SNORC: variants seen among roughly 807,000 people sequenced by gnomAD.
SNORC encodes secondary ossification center associated regulator of chondrocyte maturation, also known as protein SNORC.
A neutral mutation model predicts 9.7 loss-of-function variants in SNORC; 11 were observed. The observed-to-expected ratio is 1.14, with a 90% CI of 0.72 to 1.88. The LOEUF is 1.88. Among genes scored for constraint, SNORC ranks in the 40% most tolerant of loss-of-function variants. The pLI is 0.00. For synonymous variants in SNORC, 108 were observed against 88.7 expected, an observed-to-expected ratio of 1.22 and a Z score of -1.22; for missense variants, 197 against 173.1, an observed-to-expected ratio of 1.14 and a Z score of -0.77.
chr2:232,868,784 G>A (rs1690923982), upstream of SNORC, among the ~76,000 whole-genome samples: 1 of 152,136 alleles, frequency 6.6e-6, no homozygotes, highest in Non-Finnish European at 1.5e-5. Flanking sequence ...GCTGCTCCTA[G>A]ATGCTTAGGT....
downstream of SNORC, chr2:232,877,437 G>A: frequency 1.2e-6 from 1 of 864,264 alleles, no homozygotes; most frequent in Non-Finnish European, 1.4e-6. Context: ...AGTCCCCAGG[G>A]CCTTTGGAGG....
At position 232,876,068 on chromosome 2, in the gene SNORC, G is replaced by A. The variant is rs1239829357; in HGVS notation, c.202G>A (p.Val68Ile). Residue 68 changes from valine (V) to isoleucine (I), a missense_variant, in exon 2 of 3, where the codon GTC becomes ATC. Physicochemically the swap from Val to Ile is conservative, Grantham distance 29. Coordinates refer to ENST00000331342, the Ensembl canonical transcript of SNORC. The surrounding 1 kb of genome is among the most constrained non-coding windows in gnomAD (Gnocchi z 6.8). ...GGACACCGGTCCCCCAGCCCCCACCGTCGCGCCAGGACCCGAGGACAGCAC... is the reference window on the plus strand; with the variant it reads ...GGACACCGGTCCCCCAGCCCCCACCATCGCGCCAGGACCCGAGGACAGCAC... 4 of 1,534,888 alleles carry A rather than the reference G, an allele frequency of 2.6e-6. No individual in the cohort carries two copies. The Admixed American group carries it at 5.9e-5, about 23-fold the overall frequency.
chr2:232,866,945 A>T (rs1690890421), upstream of SNORC, among the ~76,000 whole-genome samples: 1 of 152,158 alleles, frequency 6.6e-6, no homozygotes, highest in South Asian at 2.1e-4. Context: ...TTTAGTAGAG[A>T]CAGGGTTTCA....
chr2:232,870,378 C>G, exon 1 of SNORC: 1 of 1,571,792 alleles, frequency 6.4e-7, no homozygotes. Context: ...GGCGCTGCTG[C>G]TGGTCTCCGG....
chr2:232,875,007 G>A (rs1240157012), intron 1 of SNORC, among the ~76,000 whole-genome samples: 2 of 152,220 alleles, frequency 1.3e-5, no homozygotes, highest in Non-Finnish European at 2.9e-5. Flanking sequence ...CGGCTTGAGG[G>A]TCGAGTGTCC....
chr2:232,868,648 A>G (rs1485314568), upstream of SNORC, among the ~76,000 whole-genome samples: 1 of 152,182 alleles, frequency 6.6e-6, no homozygotes, highest in Non-Finnish European at 1.5e-5. Flanking sequence ...CGCCAAAGAT[A>G]AATCCACCCC....
chr2:232,867,848 TCTC>T (rs1296704950), upstream of SNORC, among the ~76,000 whole-genome samples: 1 of 151,800 alleles, frequency 6.6e-6, no homozygotes, highest in African/African-American at 2.4e-5. Flanking sequence ...TACAAATGCA[TCTC>T]CTTTCCGCCA....
intron 1 of SNORC, among the ~76,000 whole-genome samples, chr2:232,870,788 G>A (rs1690998284): frequency 1.3e-5 from 2 of 152,274 alleles, no homozygotes; most frequent in South Asian, 2.1e-4. Context: ...GGGGCCAGAG[G>A]AGTGCAGAGC....
At chr2:232,867,628 C>T (rs533167251), upstream of SNORC, among the ~76,000 whole-genome samples, 3 of 152,338 alleles carry the variant, frequency 2.0e-5, no homozygotes, top group East Asian at 5.8e-4. Context: ...GAGCACGCAG[C>T]AGCAGCTTGC....
intron 1 of SNORC, among the ~76,000 whole-genome samples, chr2:232,875,010 G>A (rs537302971): frequency 6.6e-6 from 1 of 152,328 alleles, no homozygotes; most frequent in African/African-American, 2.4e-5. Flanking sequence ...CTTGAGGGTC[G>A]AGTGTCCCTG....
exon 1 of SNORC, chr2:232,870,305 TGCGTCCC>T: frequency 6.5e-7 from 1 of 1,543,542 alleles, no homozygotes; most frequent in Non-Finnish European, 8.8e-7. Context: ...CAGTCCTCCG[TGCGTCCC>T]GCCCGCCGCT....
chr2:232,878,133 T>TG (rs1691346105), downstream of SNORC: 1 of 152,326 alleles, frequency 6.6e-6, no homozygotes, highest in East Asian at 1.9e-4. Flanking sequence ...AGCACCCTGC[T>TG]GTGGCCTGTG....
rs1430097355 is a variant in SNORC at position 232,876,396 on chromosome 2, G to A, written c.*40G>A. 1.3e-6 allele frequency: 2 copies of A among 1,507,592 alleles called. No homozygotes were observed. The highest frequency in any genetic ancestry group is 2.4e-5 in the South Asian group (2 of 81,992). The allele number at this position is 1,507,592 out of a possible 1,614,324, so 93.4% of individuals were successfully genotyped here. A position where few individuals can be genotyped will look rare whatever the true frequency, so the allele number is the denominator to read the frequency against. The stretch of plus-strand genomic sequence containing the variant: ...CCGCGCCCGGCCGCGGCGCGACTCG[G>A]CTGCACTCCTCACGCGCCTGTATGT... On this transcript the variant is annotated 3_prime_UTR_variant, in exon 3 of 3. Coordinates refer to ENST00000331342, the Ensembl canonical transcript of SNORC. The surrounding 1 kb of genome is among the most constrained non-coding windows in gnomAD (Gnocchi z 6.8).
upstream of SNORC, among the ~76,000 whole-genome samples, chr2:232,869,403 G>A (rs1466292260): frequency 6.6e-6 from 1 of 152,190 alleles, no homozygotes. Flanking sequence ...TGAAGTAGGG[G>A]GCGCTGACAG....
upstream of SNORC, chr2:232,870,182 C>CG (rs1192890238): frequency 1.1e-4 from 55 of 514,526 alleles, no homozygotes; most frequent in African/African-American, 6.3e-4. Flanking sequence ...GTGGGGGGAG[C>CG]GGGGGGGTGG....
chr2:232,874,405 G>C (rs1171305485), intron 1 of SNORC, among the ~76,000 whole-genome samples: 1 of 152,180 alleles, frequency 6.6e-6, no homozygotes, highest in Non-Finnish European at 1.5e-5. Flanking sequence ...CTTCACCAAC[G>C]GACCTGAGTC....
intron 1 of SNORC, among the ~76,000 whole-genome samples, chr2:232,873,165 G>T (rs1303326619): frequency 6.6e-6 from 1 of 152,224 alleles, no homozygotes; most frequent in Non-Finnish European, 1.5e-5. Context: ...ACCTCCTTGT[G>T]CAAGATGCTT....
At chr2:232,877,502 C>G (rs1691319183), downstream of SNORC, 2 of 255,312 alleles carry the variant, frequency 7.8e-6, no homozygotes, top group African/African-American at 2.3e-5. Context: ...CTTAATGTAT[C>G]TGAAGATTCC....
At chr2:232,869,739 G>A (rs1690953571), upstream of SNORC, 1 of 158,026 alleles carries the variant, frequency 6.3e-6, no homozygotes, top group Admixed American at 6.2e-5. Context: ...AGCTGCCTGA[G>A]GGTTTGGATC....
Sources: allele counts gnomAD v4.1 joint callset (sites outside exome capture counted in the v4.1 genomes callset), GRCh38; gene constraint gnomAD v4.1.1; non-coding constraint Gnocchi (gnomAD v3.1); transcripts MANE v1.5; gene names NCBI Gene and HGNC (gene_info 2026-07-23, HGNC 2026-07-21).